The following FHAD1 variants were observed in gnomAD, a reference collection of about 807,000 sequenced individuals.
The protein encoded by FHAD1 is forkhead-associated domain-containing protein 1.
Under a neutral mutation model 191.3 loss-of-function variants are expected in FHAD1, and 146 were observed. The observed-to-expected ratio is 0.76, with a 90% confidence interval of 0.67 to 0.88. The LOEUF (loss-of-function observed/expected upper bound fraction) is 0.88, where lower values mean the gene tolerates loss of function less well. Ranked by LOEUF, FHAD1 falls within the 40% of genes least tolerant of loss-of-function variation. The pLI, the probability that FHAD1 is intolerant of heterozygous loss-of-function variation, is 0.00. For synonymous variants in FHAD1, 616 were observed against 672.3 expected, an observed-to-expected ratio of 0.92 and a Z score of 1.29; for missense variants, 1,635 against 1,785.8, an observed-to-expected ratio of 0.92 and a Z score of 1.52.
Position 15,328,424 on chromosome 1 carries a change from T to TGCCA in FHAD1, c.1707_1710dup (p.Ala571ProfsTer12). On this transcript the variant is annotated frameshift_variant, in exon 13 of 34. Coordinates refer to ENST00000688493, the MANE Select transcript of FHAD1 (RefSeq NM_001391957.1). LOFTEE classifies it high-confidence loss of function. ...GAAGCTGAGGACGTCGCTGGACAGC[T>TGCCA]GCCAGGTGGCCCCTCCTTACGCTTT... is the stretch of plus-strand genomic sequence containing the variant. 6.6e-7 allele frequency: 1 copy of TGCCA among 1,516,188 alleles called. No homozygotes were observed. Among genetic ancestry groups the TGCCA allele is most frequent in the South Asian group, 1.3e-5 (1 of 78,908 alleles). The allele number at this position is 1,516,188 out of a possible 1,614,324, so 93.9% of individuals were successfully genotyped here. A position where few individuals can be genotyped will look rare whatever the true frequency, so the allele number is the denominator to read the frequency against.
chr1:15,293,633 G>C (rs6690624), intron 4 of FHAD1, among the ~76,000 whole-genome samples: 4 of 152,030 alleles, frequency 2.6e-5, no homozygotes, highest in Non-Finnish European at 4.4e-5. Context: ...CAGGAGAATC[G>C]CTTGAACCCG....
intron 32 of FHAD1, among the ~76,000 whole-genome samples, chr1:15,390,362 A>AG (rs1703642425): frequency 6.6e-6 from 1 of 151,426 alleles, no homozygotes; most frequent in African/African-American, 2.4e-5. Flanking sequence ...AAAAAAAAAA[A>AG]AAAAAGGCAC....
intron 2 of FHAD1, among the ~76,000 whole-genome samples, chr1:15,268,770 G>GT (rs1382052114): frequency 6.7e-6 from 1 of 150,316 alleles, no homozygotes; most frequent in Admixed American, 6.7e-5. Flanking sequence ...TTTTTCATGT[G>GT]TTTTTTGGCT....
chr1:15,345,331 G>A, intron 17 of FHAD1, 85 bp from the exon 18 acceptor site: 1 of 1,392,770 alleles, frequency 7.2e-7, no homozygotes, highest in Admixed American at 2.0e-5. Flanking sequence ...TAGTCTGGAG[G>A]GAAGAGGAAA....
intron 1 of FHAD1, among the ~76,000 whole-genome samples, chr1:15,237,232 A>G (rs1780594): frequency 0.13 from 20,275 of 152,198 alleles, 1,704 homozygotes; most frequent in Non-Finnish European, 0.19. Flanking sequence ...CAACTAGTTG[A>G]AAGTATTTTA....
At chr1:15,354,585 G>A (rs1445558860) in intron 20 of FHAD1, among the ~76,000 whole-genome samples, 7 of 152,050 alleles carry the variant, frequency 4.6e-5, no homozygotes, top group African/African-American at 7.2e-5. Flanking sequence ...TGGATCCTCC[G>A]TGAAATACAC....
At chr1:15,258,181 C>T (rs1437805241) in intron 2 of FHAD1, among the ~76,000 whole-genome samples, 1 of 152,144 alleles carries the variant, frequency 6.6e-6, no homozygotes, top group Non-Finnish European at 1.5e-5. Flanking sequence ...TCCACAAGAA[C>T]TCCCTTCATC....
intron 20 of FHAD1, among the ~76,000 whole-genome samples, chr1:15,354,155 G>A (rs1328436847): frequency 1.3e-5 from 2 of 152,158 alleles, no homozygotes; most frequent in East Asian, 3.8e-4. Context: ...AGAAAGGTTT[G>A]CAAACATTAG....
Position 15,336,134 on chromosome 1 carries a change from C to T in FHAD1, c.1907-3347C>T, listed in dbSNP as rs369158506. Among the ~76,000 whole-genome samples, 55 of 152,322 alleles carry T rather than the reference C, an allele frequency of 3.6e-4. No individual in the cohort carries two copies. In the South Asian group the frequency reaches 0.01, roughly 29 times the overall value. On this transcript the variant is annotated intron_variant, in intron 14 of 33. Coordinates refer to ENST00000688493, the MANE Select transcript of FHAD1 (RefSeq NM_001391957.1). Reference sequence around the variant, plus strand: ...TCCAAACCCTTTGAAAAGAGATTGACAGATCTAGGTCTGAATTCTGATTCT... The same window carrying T: ...TCCAAACCCTTTGAAAAGAGATTGATAGATCTAGGTCTGAATTCTGATTCT...
intron 31 of FHAD1, chr1:15,383,078 G>C: frequency 4.2e-6 from 2 of 471,598 alleles, no homozygotes; most frequent in South Asian, 3.1e-5. Flanking sequence ...CCGGTCCTGG[G>C]CTCAAATCCC....
intron 3 of FHAD1, among the ~76,000 whole-genome samples, chr1:15,280,807 T>C (rs1660336497): frequency 6.6e-6 from 1 of 152,204 alleles, no homozygotes; most frequent in Non-Finnish European, 1.5e-5. Flanking sequence ...TTTTATGGAC[T>C]GACCAGGAAA....
Position 15,349,048 on chromosome 1 carries a change from G to A in FHAD1, c.2353G>A (p.Glu785Lys). Residue 785 changes from glutamate (E) to lysine (K), a missense_variant, in exon 19 of 34, where the codon GAG (glutamate) becomes AAG (lysine). Coordinates refer to ENST00000688493, the MANE Select transcript of FHAD1 (RefSeq NM_001391957.1). ...ACTGGTCGTTGATTTTCAGGTTTTG[G>A]AGAGCAGCATAGCCCATGAAAAAAG... ...ERLARQKEVL[E>K]SSIAHEKRKA... The A allele has an allele frequency of 6.4e-7, 1 of 1,550,930 alleles. No individual in the cohort carries two copies. The highest frequency in any genetic ancestry group is 1.2e-5 in the South Asian group (1 of 83,960).
Position 15,381,151 on chromosome 1 carries a change from A to T in FHAD1, c.3802-80A>T. The T allele has an allele frequency of 1.1e-6, 1 of 909,754 alleles. No homozygotes were observed. The highest frequency in any genetic ancestry group is 1.7e-6 in the Non-Finnish European group (1 of 589,378). The allele number at this position is 909,754 out of a possible 1,614,324, so 56.4% of individuals were successfully genotyped here. A position where few individuals can be genotyped will look rare whatever the true frequency, so the allele number is the denominator to read the frequency against. ...TGCAATTGCAGAAAGTGAATGAAAC[A>T]GAATTAGACATTGGCCTCCTTAAAG... On this transcript the variant is annotated intron_variant, in intron 29 of 33. Transcript: ENST00000688493. This position sits in a 1 kb window ranked among gnomAD's most constrained non-coding sequence, Gnocchi z 4.6.
chr1:15,366,560 G>A (rs1033144422), intron 24 of FHAD1, among the ~76,000 whole-genome samples: 2 of 152,188 alleles, frequency 1.3e-5, no homozygotes, highest in African/African-American at 4.8e-5. Context: ...GGCTTGGAGG[G>A]CAATCCTGGG....
chr1:15,338,723 C>G (rs995602888), intron 14 of FHAD1, among the ~76,000 whole-genome samples: 1 of 152,118 alleles, frequency 6.6e-6, no homozygotes, highest in Non-Finnish European at 1.5e-5. Context: ...TGGTCTTACT[C>G]GCTCACTCCA....
chr1:15,392,273 C>T (rs1429274736), intron 33 of FHAD1, among the ~76,000 whole-genome samples: 2 of 152,202 alleles, frequency 1.3e-5, no homozygotes, highest in Non-Finnish European at 2.9e-5. Flanking sequence ...TGGCTCACGC[C>T]TGTAATCCCA....
At chr1:15,306,572 G>A (rs1458405729) in intron 6 of FHAD1, among the ~76,000 whole-genome samples, 8 of 152,186 alleles carry the variant, frequency 5.3e-5, no homozygotes, top group Admixed American at 5.2e-4. Flanking sequence ...CCAGGCCCGG[G>A]GTCCCCATGC....
chr1:15,360,806 T>C (rs1462837609), intron 22 of FHAD1, 103 bp downstream of exon 22: 6 of 937,316 alleles, frequency 6.4e-6, no homozygotes, highest in Non-Finnish European at 8.0e-6. Flanking sequence ...CCGTGCCTCA[T>C]TCGAAAGCTC....
At chr1:15,313,916 A>G (rs754123855) in intron 8 of FHAD1, among the ~76,000 whole-genome samples, 10 of 151,962 alleles carry the variant, frequency 6.6e-5, no homozygotes, top group Non-Finnish European at 1.3e-4. Context: ...GCTAAAAATA[A>G]CAAAAATTAG....
Sources: gnomAD v4.1 joint callset for allele counts (sites outside exome capture counted in the v4.1 genomes callset) on GRCh38, gnomAD v4.1.1 for gene constraint, Gnocchi (gnomAD v3.1) non-coding constraint, MANE v1.5 for transcripts, NCBI Gene and HGNC (gene_info 2026-07-23, HGNC 2026-07-21) for gene names.